Variants in BTN3A3 observed in about 807,000 individuals in gnomAD.
BTN3A3 encodes butyrophilin subfamily 3 member A3.
BTN3A3 carries 39 observed loss-of-function variants against 43.2 expected under a neutral mutation model. The observed-to-expected ratio is 0.90, with a 90% CI of 0.70 to 1.18. BTN3A3 has a LOEUF of 1.18. Ranked by LOEUF, BTN3A3 falls within the 50% of genes most tolerant of loss-of-function variation. BTN3A3 has a pLI of 0.00. For missense variants in BTN3A3, 631 were observed against 722.8 expected, an observed-to-expected ratio of 0.87 and a Z score of 1.46; for synonymous variants, 255 against 272.7, an observed-to-expected ratio of 0.93 and a Z score of 0.64.
rs1166196525 is a variant in BTN3A3 at position 26,444,232 on chromosome 6, A to C, written c.361A>C (p.Ser121Arg). 6.2e-7 allele frequency: 1 copy of C among 1,612,076 alleles called. No individual in the cohort carries two copies. Among genetic ancestry groups the C allele is most frequent in the East Asian group, 2.2e-5 (1 of 44,888 alleles). Residue 121 changes from serine (S) to arginine (R), a missense_variant, in exon 4 of 11, where the codon AGT becomes CGT. Ser to Arg is a moderately radical substitution (Grantham distance 110). Around this residue, in one of 2 missense-constraint regions of BTN3A3, gnomAD observed 551 missense variants for 584.0 expected, o/e 0.94. Transcript: ENST00000244519. ...AATACACAACGTCACAGCCTCTGAC[A>C]GTGGAAAGTACTTGTGTTATTTCCA... ...LRIHNVTASD[S>R]GKYLCYFQDG...
chr6:26,444,467 C>T (rs1762721298), intron 4 of BTN3A3, 163 bp downstream of exon 4: 1 of 1,146,460 alleles, frequency 8.7e-7, no homozygotes, highest in African/African-American at 1.6e-5. Flanking sequence ...AAGACACATT[C>T]TTTCTTTAGA....
chr6:26,445,316 G>T, intron 4 of BTN3A3: 2 of 219,404 alleles, frequency 9.1e-6, no homozygotes, highest in Non-Finnish European at 1.8e-5. Flanking sequence ...GCAGACAATG[G>T]TAGGAAGAAG....
At chr6:26,449,370 A>G (rs1762866605) in intron 8 of BTN3A3, 2 of 424,000 alleles carry the variant, frequency 4.7e-6, no homozygotes, top group South Asian at 3.6e-5. Flanking sequence ...ACATATAGAC[A>G]TGGTGACACC....
chr6:26,449,472 C>G, intron 8 of BTN3A3, 190 bp from the exon 9 acceptor site: 1 of 638,408 alleles, frequency 1.6e-6, no homozygotes, highest in Non-Finnish European at 2.8e-6. Context: ...CTGCCACTAG[C>G]ATTCAACCAA....
Position 26,449,685 on chromosome 6 carries a change from C to A in BTN3A3, c.988C>A (p.His330Asn). Residue 330 changes from histidine to asparagine, a missense_variant, in exon 9 of 11, where the codon CAT becomes AAT. His to Asn is a moderately conservative substitution (Grantham distance 68). Transcript: ENST00000244519. Reference protein sequence around the residue: ...MARGEKSLAYHEWKMALFKPA... With the variant: ...MARGEKSLAYNEWKMALFKPA... Reference sequence around the variant, plus strand: ...AGGTGGAGAGAAGTCTTTGGCCTATCATGGTGAGTGAGCCTGATGCTCTCT... The same window carrying A: ...AGGTGGAGAGAAGTCTTTGGCCTATAATGGTGAGTGAGCCTGATGCTCTCT... 1 of 1,614,198 alleles carries A rather than the reference C, an allele frequency of 6.2e-7. No individual in the cohort carries two copies. Among genetic ancestry groups the A allele is most frequent in the Non-Finnish European group, 8.5e-7 (1 of 1,180,014 alleles).
In BTN3A3 at chr6:26,452,619, TGGTGGATGTCACTCC is replaced by T; in HGVS notation, c.*209_*223del. On this transcript the variant is annotated 3_prime_UTR_variant, in exon 11 of 11. Transcript: ENST00000244519. The stretch of plus-strand genomic sequence containing the variant: ...GTTCTTAGTGCTGTGTTATAAGCTT[TGGTGGATGTCACTCC>T]TTTAATCCTCACAACACCCTGTCGG... 1.8e-6 allele frequency: 1 copy of T among 551,790 alleles called. No individual in the cohort carries two copies. Among genetic ancestry groups the T allele is most frequent in the Non-Finnish European group, 3.2e-6 (1 of 317,170 alleles). 34.2% of individuals were successfully genotyped at this position (551,790 alleles called of 1,614,324 possible). A position where few individuals can be genotyped will look rare whatever the true frequency, so the allele number is the denominator to read the frequency against.
chr6:26,446,058 CT>C, intron 5 of BTN3A3, 73 bp downstream of exon 5: 1 of 1,588,972 alleles, frequency 6.3e-7, no homozygotes, highest in East Asian at 2.2e-5. Context: ...GTGTGAGTCT[CT>C]ACTGTGTGAG....
At chr6:26,449,627 G>A (rs779713552) in intron 8 of BTN3A3, 35 bp from the exon 9 acceptor site, 1 of 1,613,852 alleles carries the variant, frequency 6.2e-7, no homozygotes, top group Non-Finnish European at 8.5e-7. Flanking sequence ...CAAAGGCAGT[G>A]TTCAGGTGAC....
intron 8 of BTN3A3, chr6:26,449,431 C>T (rs950289137): frequency 1.7e-6 from 1 of 582,864 alleles, no homozygotes; most frequent in Non-Finnish European, 3.1e-6. Flanking sequence ...TAGCTGGACT[C>T]CACTGGGAAG....
intron 1 of BTN3A3, among the ~76,000 whole-genome samples, chr6:26,441,536 C>G (rs1299197263): frequency 6.6e-6 from 1 of 150,786 alleles, no homozygotes; most frequent in African/African-American, 2.4e-5. Context: ...ATAAGTGGAA[C>G]TTTTGGGTAA....
At chr6:26,449,533 G>A in intron 8 of BTN3A3, 129 bp from the exon 9 acceptor site, 1 of 943,390 alleles carries the variant, frequency 1.1e-6, no homozygotes, top group Non-Finnish European at 1.7e-6. Flanking sequence ...AATTGAGCTT[G>A]CAGAGTGAGA....
intron 5 of BTN3A3, among the ~76,000 whole-genome samples, chr6:26,446,551 G>T (rs1762784125): frequency 6.6e-6 from 1 of 152,204 alleles, no homozygotes; most frequent in Admixed American, 6.5e-5. Flanking sequence ...AGTGTAGGAA[G>T]GCAGTGACTC....
chr6:26,449,987 A>G, intron 9 of BTN3A3, 120 bp from the exon 10 acceptor site: 1 of 1,201,722 alleles, frequency 8.3e-7, no homozygotes, highest in Non-Finnish European at 1.2e-6. Flanking sequence ...AGAGGAAGGA[A>G]GCTGAAGCCT....
chr6:26,445,664 A>G (rs761233507), intron 4 of BTN3A3, 40 bp from the exon 5 acceptor site: 10 of 1,594,972 alleles, frequency 6.3e-6, no homozygotes, highest in African/African-American at 4.0e-5. Context: ...TCCCTGATAC[A>G]GGAGCTCTCA....
chr6:26,442,013 CAGA>C (rs1454596748), intron 1 of BTN3A3, among the ~76,000 whole-genome samples: 22 of 152,254 alleles, frequency 1.4e-4, no homozygotes, highest in African/African-American at 4.3e-4. Context: ...TTTTGAGGAA[CAGA>C]AGATGTGAAA....
Position 26,452,659 on chromosome 6 carries a change from G to T in BTN3A3, c.*248G>T, listed in dbSNP as rs1008410534. ...CTTTAATCCTCACAACACCCTGTCG[G>T]GTAGTCATATTTTGCAAGTATGGAA... On this transcript the variant is annotated 3_prime_UTR_variant, in exon 11 of 11. Transcript: ENST00000244519. The T allele has an allele frequency of 3.0e-4, 133 of 437,182 alleles. 1 individual carries two copies. Among genetic ancestry groups the T allele is most frequent in the Middle Eastern group, 6.1e-4 (1 of 1,640 alleles). The allele number at this position is 437,182 out of a possible 1,614,324, so 27.1% of individuals were successfully genotyped here. A position where few individuals can be genotyped will look rare whatever the true frequency, so the allele number is the denominator to read the frequency against.
chr6:26,452,272 G>C lies in BTN3A3; in HGVS notation c.1616G>C (p.Gly539Ala), dbSNP rs1762953624. 5 of 1,614,118 alleles carry C rather than the reference G, an allele frequency of 3.1e-6. No homozygotes were observed. Among genetic ancestry groups the C allele is most frequent in the Non-Finnish European group, 3.4e-6 (4 of 1,180,034 alleles). ...TCCCTGGAGACACCACTGACCCCGG[G>C]CTTAGCTAATGAAAGTGGGGAGCCT... ...DHSLETPLTP[G>A]LANESGEPQA... Residue 539 changes from glycine to alanine, a missense_variant, in exon 11 of 11, where the codon GGC (glycine) becomes GCC (alanine). Physicochemically the swap from Gly to Ala is moderately conservative, Grantham distance 60. Around this residue, in one of 2 missense-constraint regions of BTN3A3, gnomAD observed 551 missense variants for 584.0 expected, o/e 0.94. Transcript: ENST00000244519.
Position 26,444,258 on chromosome 6 carries a change from A to G in BTN3A3, c.387A>G (p.Gln129=). ...GTGGAAAGTACTTGTGTTATTTCCA[A>G]GATGGTGACTTCTACGAAAAAGCCC... ...SDSGKYLCYF[Q]DGDFYEKALV... is the part of the protein sequence containing the mutation. The change falls in exon 4 of 11, where the codon CAA becomes CAG. Residue 129 remains glutamine (Q), a synonymous_variant. Transcript: ENST00000244519. 1 of 1,612,058 alleles carries G rather than the reference A, an allele frequency of 6.2e-7. No homozygotes were observed.
At chr6:26,445,592 C>T in intron 4 of BTN3A3, 112 bp from the exon 5 acceptor site, 1 of 1,329,948 alleles carries the variant, frequency 7.5e-7, no homozygotes, top group Non-Finnish European at 1.0e-6. Flanking sequence ...GTAAATAGCT[C>T]CTGAATGAAA....
Sources: allele counts gnomAD v4.1 joint callset (sites outside exome capture counted in the v4.1 genomes callset), GRCh38; gene constraint gnomAD v4.1.1; regional missense constraint gnomAD v4.1.1; transcripts MANE v1.5; gene names NCBI Gene and HGNC (gene_info 2026-07-23, HGNC 2026-07-21).